The following PZP variants were observed in gnomAD, a reference collection of about 807,000 sequenced individuals.
PZP encodes the protein PZP alpha-2-macroglobulin like.
A neutral mutation model predicts 179.8 loss-of-function variants in PZP; 150 were observed. The ratio of observed to expected loss-of-function variants is 0.83; its 90% CI spans 0.73 to 0.96. The LOEUF is 0.96. Among genes scored for constraint, PZP ranks in the 40% least tolerant of loss-of-function variants. The probability of loss-of-function intolerance (pLI) is 0.00; values close to 1 mark genes in which losing one functional copy is unlikely to be tolerated. For missense variants in PZP, 1,689 were observed against 1,764.0 expected (o/e 0.96, Z 0.76); for synonymous variants, 624 against 652.3 (o/e 0.96, Z 0.66).
chr12:9,161,608 A>G (rs766662416), intron 22 of PZP, among the ~76,000 whole-genome samples: 23 of 152,288 alleles, frequency 1.5e-4, no homozygotes, highest in Middle Eastern at 3.4e-3. Flanking sequence ...AAGACTTATA[A>G]CCATGATAAT....
Position 9,152,841 on chromosome 12 carries a change from C to A in PZP, c.4104G>T (p.Gln1368His). 6.2e-7 allele frequency: 1 copy of A among 1,614,080 alleles called. No individual in the cohort carries two copies. Among genetic ancestry groups the A allele is most frequent in the Non-Finnish European group, 8.5e-7 (1 of 1,179,968 alleles). ...CGTCTTACCTGATGGTCAGTGAGAT[C>A]TGAAAGCTGGTGTGGGCTTTGTGTC... ...CDGHKAHTSF[Q>H]ISLTISYTGN... is the part of the protein sequence containing the mutation. The change falls in exon 31 of 36, where the codon CAG (glutamine) becomes CAT (histidine). Residue 1368 changes from glutamine to histidine, a missense_variant. Coordinates refer to ENST00000261336, the MANE Select transcript of PZP (RefSeq NM_002864.3).
chr12:9,192,467 G>C (rs1484129724), intron 12 of PZP, 45 bp downstream of exon 12: 1 of 1,549,488 alleles, frequency 6.5e-7, no homozygotes, highest in Non-Finnish European at 8.9e-7. Flanking sequence ...GACCACTTTT[G>C]TCCTACTGAT....
chr12:9,186,008 A>G (rs190770131), intron 13 of PZP, among the ~76,000 whole-genome samples: 4 of 151,902 alleles, frequency 2.6e-5, no homozygotes, highest in African/African-American at 7.2e-5. Context: ...GGGTTTCACC[A>G]TGTTGGCCAG....
rs758503977 is a variant in PZP at position 9,194,092 on chromosome 12, ATTAACCGAGATAC to A, written c.1226_1238del (p.Ser409IlefsTer21). On this transcript the variant is annotated frameshift_variant, in exon 11 of 36. Coordinates refer to ENST00000261336, the MANE Select transcript of PZP (RefSeq NM_002864.3). LOFTEE classifies it high-confidence loss of function. ...CTATACTTACCCGGACAAAAAGTTT[ATTAACCGAGATAC>A]TGGTAGTATTGATTGAAAACTGTGC... 1 of 1,613,564 alleles carries A rather than the reference ATTAACCGAGATAC, an allele frequency of 6.2e-7. No homozygotes were observed.
intron 18 of PZP, 62 bp from the exon 19 acceptor site, chr12:9,165,429 G>A (rs1006025030): frequency 1.3e-6 from 2 of 1,571,200 alleles, no homozygotes; most frequent in Non-Finnish European, 1.7e-6. Flanking sequence ...TCTCAAGTGA[G>A]AATTAATATG....
chr12:9,137,300 G>A, the PZP span, among the ~76,000 whole-genome samples: 2 of 152,074 alleles, frequency 1.3e-5, no homozygotes, highest in Non-Finnish European at 2.9e-5. Context: ...ATTCCCCCTA[G>A]TGTATTCTTG....
intron 2 of PZP, 54 bp from the exon 3 acceptor site, chr12:9,202,738 G>A (rs1231173481): frequency 1.3e-6 from 2 of 1,512,078 alleles, no homozygotes; most frequent in African/African-American, 2.8e-5. Context: ...TTCTCCCTCT[G>A]CATTCTTCAG....
intron 33 of PZP, among the ~76,000 whole-genome samples, chr12:9,150,989 G>A (rs1272487633): frequency 1.3e-5 from 2 of 152,160 alleles, no homozygotes; most frequent in Non-Finnish European, 2.9e-5. Context: ...CCCTTGTTAT[G>A]AGATTAACTC....
Position 9,163,995 on chromosome 12 carries a change from A to C in PZP, c.2614+138T>G, listed in dbSNP as rs1941404554. ...GGTGAGAACAGTGGGAGGAGGTCATAGTGGATAGAAATAGGAAAAAAAACT... is the reference window on the plus strand; with the variant it reads ...GGTGAGAACAGTGGGAGGAGGTCATCGTGGATAGAAATAGGAAAAAAAACT... On this transcript the variant is annotated intron_variant, in intron 20 of 35. Transcript: ENST00000261336. 9 of 1,271,562 alleles carry C rather than the reference A, an allele frequency of 7.1e-6. No individual in the cohort carries two copies. In the Admixed American group the frequency reaches 1.4e-4, roughly 20 times the overall value. 78.8% of individuals were successfully genotyped at this position (1,271,562 alleles called of 1,614,324 possible). A position where few individuals can be genotyped will look rare whatever the true frequency, so the allele number is the denominator to read the frequency against.
chr12:9,152,882 G>A lies in PZP; in HGVS notation c.4063C>T (p.Pro1355Ser). 2 of 1,614,030 alleles carry A rather than the reference G, an allele frequency of 1.2e-6. No individual in the cohort carries two copies. The highest frequency in any genetic ancestry group is 1.1e-5 in the South Asian group (1 of 91,072). The change falls in exon 31 of 36, where the codon CCC becomes TCC. Residue 1355 changes from proline to serine, a missense_variant. Transcript: ENST00000261336. ...GCTTTGTGTCCATCGCAAGTTTGGG[G>A]CACAGTCTGCACTTTTAAAGCAAAT... Reference protein sequence around the residue: ...SPFALKVQTVPQTCDGHKAHT... With the variant: ...SPFALKVQTVSQTCDGHKAHT...
chr12:9,155,577 C>G (rs750812901), intron 28 of PZP, among the ~76,000 whole-genome samples: 1 of 152,196 alleles, frequency 6.6e-6, no homozygotes, highest in African/African-American at 2.4e-5. Flanking sequence ...TGTGTTCTTT[C>G]TAGTAGTGGT....
Position 9,154,787 on chromosome 12 carries a change from A to G in PZP, c.3603T>C (p.His1201=), listed in dbSNP as rs1245108423. Residue 1201 remains histidine (H), a synonymous_variant, in exon 29 of 36, where the codon CAT becomes CAC. Coordinates refer to ENST00000261336, the MANE Select transcript of PZP (RefSeq NM_002864.3). Reference sequence around the variant, plus strand: ...CAGAGGGAGCCTGGGTTTGGTAAAGATGCCCCACTGGTGCCTTGGGTCTCT... The same window carrying G: ...CAGAGGGAGCCTGGGTTTGGTAAAGGTGCCCCACTGGTGCCTTGGGTCTCT... ...RPQRPKAPVG[H]LYQTQAPSAE... is the part of the protein sequence containing the mutation. 1 of 1,613,998 alleles carries G rather than the reference A, an allele frequency of 6.2e-7. No homozygotes were observed. The highest frequency in any genetic ancestry group is 8.5e-7 in the Non-Finnish European group (1 of 1,180,014).
chr12:9,158,752 C>CTTTTTTTTTTTTTTTTTTTTTTTTTTTTT (rs200458490), intron 25 of PZP, among the ~76,000 whole-genome samples, 176 bp from the exon 26 acceptor site: 2 of 97,818 alleles, frequency 2.0e-5, no homozygotes, highest in Non-Finnish European at 3.9e-5. Flanking sequence ...TTTTTCTTTT[C>CTTTTTTTTTTTTTTTTTTTTTTTTTTTTT]TTTTCTTTTT....
downstream of PZP, among the ~76,000 whole-genome samples, chr12:9,147,034 A>C (rs1940046244): frequency 6.6e-6 from 1 of 152,212 alleles, no homozygotes; most frequent in Admixed American, 6.5e-5. Context: ...CTTTCTTCCA[A>C]GGTGGGGCTA....
chr12:9,186,024 T>C (rs1287358556), intron 13 of PZP, among the ~76,000 whole-genome samples: 2 of 151,990 alleles, frequency 1.3e-5, no homozygotes, highest in Non-Finnish European at 2.9e-5. Flanking sequence ...GCCAGGATGG[T>C]CTCGATCTCC....
rs3741849 is a variant in PZP, at chr12:9,181,975, C to T, written c.1689G>A (p.Lys563=). ...KFEIENCLAN[K]VDLSFSPAQS... is the part of the protein sequence containing the mutation. The stretch of plus-strand genomic sequence containing the variant: ...TTTAATTTTATGTTAAATCGCTCAC[C>T]TTGTTGGCTAGACAGTTTTCAATCT... The change falls in exon 14 of 36, where the codon AAG becomes AAA. Residue 563 remains lysine (K), a splice_region_variant and synonymous_variant. Coordinates refer to ENST00000261336, the MANE Select transcript of PZP (RefSeq NM_002864.3). 156,825 of 1,611,628 alleles carry T rather than the reference C, an allele frequency of 0.097. 8,091 individuals are homozygous for T. Among genetic ancestry groups the T allele is most frequent in the African/African-American group, 0.16 (12,202 of 74,884 alleles).
chr12:9,207,317 A>T (rs897776499), intron 1 of PZP, among the ~76,000 whole-genome samples: 1 of 152,062 alleles, frequency 6.6e-6, no homozygotes, highest in Non-Finnish European at 1.5e-5. Context: ...TCTCCAGGAC[A>T]CCTCAGTGCC....
chr12:9,138,224 A>G, the PZP span, among the ~76,000 whole-genome samples: 1 of 151,996 alleles, frequency 6.6e-6, no homozygotes, highest in South Asian at 2.1e-4. Flanking sequence ...TTTAACATGA[A>G]AGAATGTTGA....
In PZP at chr12:9,159,974, A is replaced by G. The variant is rs1348695325; in HGVS notation, c.3101T>C (p.Phe1034Ser). The G allele has an allele frequency of 6.2e-7, 1 of 1,613,836 alleles. No individual in the cohort carries two copies. The highest frequency in any genetic ancestry group is 8.5e-7 in the Non-Finnish European group (1 of 1,179,822). The change falls in exon 25 of 36, where the codon TTT (phenylalanine) becomes TCT (serine). Residue 1034 changes from phenylalanine (F) to serine (S), a missense_variant. Coordinates refer to ENST00000261336, the MANE Select transcript of PZP (RefSeq NM_002864.3). ...YKHQDGSYST[F>S]GERYGRNQGN... ...CTGGTTCCTGCCATATCGTTCCCCA[A>G]AGGTGCTGTAGGAGCCATCTTGGTG...
Sources: allele counts gnomAD v4.1 joint callset (sites outside exome capture counted in the v4.1 genomes callset), GRCh38; gene constraint gnomAD v4.1.1; transcripts MANE v1.5; gene names NCBI Gene and HGNC (gene_info 2026-07-23, HGNC 2026-07-21).